The following AGBL4 variants were observed in gnomAD, a reference collection of about 807,000 sequenced individuals.
AGBL4 encodes cytosolic carboxypeptidase 6.
Under a neutral mutation model 66.4 loss-of-function variants are expected in AGBL4, and 58 were observed. The ratio of observed to expected loss-of-function variants is 0.87; its 90% CI spans 0.71 to 1.09. AGBL4 has a LOEUF of 1.09. Among genes scored for constraint, AGBL4 ranks in the 50% least tolerant of loss-of-function variants. The pLI is 0.00. For missense variants in AGBL4, 579 were observed against 631.0 expected (o/e 0.92, Z 0.88); for synonymous variants, 234 against 222.9 (o/e 1.05, Z -0.44).
intron 5 of AGBL4, among the ~76,000 whole-genome samples, chr1:48,907,913 G>A (rs917009547): frequency 1.3e-5 from 2 of 152,032 alleles, no homozygotes; most frequent in African/African-American, 4.8e-5. Flanking sequence ...AGAAAAGGAG[G>A]GTAAAGAGAG....
At chr1:49,151,779 T>C (rs1646341124) in intron 4 of AGBL4, among the ~76,000 whole-genome samples, 1 of 152,198 alleles carries the variant, frequency 6.6e-6, no homozygotes, top group Non-Finnish European at 1.5e-5. Flanking sequence ...AGTCCTGCTG[T>C]AAAGAATATG....
chr1:49,272,931 G>T (rs909797592), intron 3 of AGBL4, among the ~76,000 whole-genome samples: 24 of 152,008 alleles, frequency 1.6e-4, no homozygotes, highest in Non-Finnish European at 3.4e-4. Context: ...TAAGAATTTA[G>T]TTTACACATT....
At chr1:49,537,857 G>A (rs1570976007) in intron 3 of AGBL4, among the ~76,000 whole-genome samples, 1 of 152,034 alleles carries the variant, frequency 6.6e-6, no homozygotes, top group Non-Finnish European at 1.5e-5. Flanking sequence ...AACCCAGGAG[G>A]TGGAGCTTGT....
chr1:49,423,581 G>A (rs1283801514), intron 3 of AGBL4, among the ~76,000 whole-genome samples: 1 of 152,014 alleles, frequency 6.6e-6, no homozygotes, highest in Non-Finnish European at 1.5e-5. Flanking sequence ...AGGCCAAGGT[G>A]GGCAGATCAC....
At chr1:49,937,939 G>C (rs1654276706) in intron 1 of AGBL4, among the ~76,000 whole-genome samples, 1 of 151,984 alleles carries the variant, frequency 6.6e-6, no homozygotes, top group Non-Finnish European at 1.5e-5. Flanking sequence ...AAAAGAACTA[G>C]AAAAGCAAGA....
intron 3 of AGBL4, among the ~76,000 whole-genome samples, chr1:49,354,209 G>A (rs911354726): frequency 3.3e-5 from 5 of 152,216 alleles, no homozygotes; most frequent in Non-Finnish European, 7.3e-5. Flanking sequence ...CCAGTAAGGG[G>A]TTTGAGCAAG....
intron 2 of AGBL4, among the ~76,000 whole-genome samples, chr1:49,824,831 A>T (rs979765028): frequency 6.6e-6 from 1 of 152,256 alleles, no homozygotes; most frequent in African/African-American, 2.4e-5. Context: ...AAAGTCATGG[A>T]AAGTGCTAAA....
chr1:49,677,719 G>A (rs928104047), intron 3 of AGBL4, among the ~76,000 whole-genome samples: 2 of 152,120 alleles, frequency 1.3e-5, no homozygotes, highest in Non-Finnish European at 2.9e-5. Context: ...ATGACATTTG[G>A]AGATGGGGAG....
intron 5 of AGBL4, among the ~76,000 whole-genome samples, chr1:48,892,662 T>TC (rs1341097407): frequency 3.8e-4 from 58 of 152,302 alleles, no homozygotes; most frequent in African/African-American, 1.4e-3. Context: ...GAGTTTCTGA[T>TC]TAGCCTTTCC....
chr1:49,577,012 G>A (rs1392270853), intron 3 of AGBL4, among the ~76,000 whole-genome samples: 2 of 152,242 alleles, frequency 1.3e-5, no homozygotes, highest in African/African-American at 4.8e-5. Flanking sequence ...ATGGTCAGAT[G>A]TGTGATTATA....
intron 3 of AGBL4, among the ~76,000 whole-genome samples, chr1:49,422,763 C>A (rs1380510474): frequency 2.6e-5 from 4 of 152,176 alleles, no homozygotes; most frequent in Non-Finnish European, 4.4e-5. Context: ...CTTTAGGAAG[C>A]TATTCTTGAT....
chr1:48,832,642 A>T, intron 6 of AGBL4, among the ~76,000 whole-genome samples: 1 of 152,216 alleles, frequency 6.6e-6, no homozygotes, highest in Admixed American at 6.5e-5. Flanking sequence ...GAGTGCCCAG[A>T]TATTTGCTTG....
At chr1:49,112,072 G>A (rs1645423277) in intron 4 of AGBL4, among the ~76,000 whole-genome samples, 1 of 152,160 alleles carries the variant, frequency 6.6e-6, no homozygotes, top group African/African-American at 2.4e-5. Flanking sequence ...AGCTTTGTCT[G>A]TGTTCTACTT....
At chr1:49,252,314 C>A (rs1223708723) in intron 3 of AGBL4, among the ~76,000 whole-genome samples, 1 of 151,858 alleles carries the variant, frequency 6.6e-6, no homozygotes, top group South Asian at 2.1e-4. Context: ...TTCTCAGAGC[C>A]TGAAGACTGG....
intron 6 of AGBL4, among the ~76,000 whole-genome samples, chr1:48,676,389 A>G (rs2148473826): frequency 6.6e-6 from 1 of 152,342 alleles, no homozygotes. Flanking sequence ...AAGCGCAGTG[A>G]CTGCGCTGCT....
At chr1:49,486,118 C>T (rs1423966722) in intron 3 of AGBL4, among the ~76,000 whole-genome samples, 1 of 151,922 alleles carries the variant, frequency 6.6e-6, no homozygotes, top group Non-Finnish European at 1.5e-5. Flanking sequence ...TCTTCTCACA[C>T]TGCTTCAATT....
At chr1:49,697,817 C>T (rs993930794) in intron 2 of AGBL4, among the ~76,000 whole-genome samples, 10 of 152,106 alleles carry the variant, frequency 6.6e-5, no homozygotes, top group African/African-American at 2.4e-4. Flanking sequence ...TTGTATTAAG[C>T]TTCATTGTAT....
intron 6 of AGBL4, among the ~76,000 whole-genome samples, chr1:48,729,856 T>C (rs1177781776): frequency 6.6e-6 from 1 of 152,074 alleles, no homozygotes; most frequent in Non-Finnish European, 1.5e-5. Context: ...CAAGCCTGAC[T>C]AATCCTCACT....
At position 49,472,815 on chromosome 1, in the gene AGBL4, C is replaced by A. The variant is rs567093704; in HGVS notation, c.282+224498G>T. Among the ~76,000 whole-genome samples the A allele has an allele frequency of 3.4e-4, 51 of 152,086 alleles. 1 individual carries two copies. In the South Asian group the frequency reaches 9.7e-3, roughly 29 times the overall value. On this transcript the variant is annotated intron_variant, in intron 3 of 13. Coordinates refer to ENST00000371839, the MANE Select transcript of AGBL4 (RefSeq NM_032785.4). ...AGGTAGTTTTTCAGCCAATGCCTCA[C>A]GCCTTTCCTCCCTCCTTCTGGAATC... is the stretch of plus-strand genomic sequence containing the variant.
Sources: allele counts gnomAD v4.1 joint callset (sites outside exome capture counted in the v4.1 genomes callset), GRCh38; gene constraint gnomAD v4.1.1; transcripts MANE v1.5; gene names NCBI Gene and HGNC (gene_info 2026-07-23, HGNC 2026-07-21).